Variants in QRICH1 observed in about 807,000 individuals in gnomAD.
QRICH1 encodes transcriptional regulator QRICH1.
Under a neutral mutation model 87.1 loss-of-function variants are expected in QRICH1, and 16 were observed. That is an observed-to-expected ratio of 0.18 (90% confidence interval 0.12 to 0.28). QRICH1 has a LOEUF of 0.28. QRICH1 is among the 10% of genes least tolerant of loss of function. QRICH1 has a pLI of 1.00. For synonymous variants in QRICH1, 367 were observed against 368.4 expected (o/e 1.00, Z 0.05); for missense variants, 647 against 951.7 (o/e 0.68, Z 4.21).
intron 1 of QRICH1, among the ~76,000 whole-genome samples, chr3:49,090,147 T>C (rs2107056166): frequency 6.6e-6 from 1 of 151,950 alleles, no homozygotes; most frequent in African/African-American, 2.4e-5. Context: ...ACTCCGTCTC[T>C]ACTACAAATA....
At chr3:49,059,178 G>A (rs1037591894) in intron 2 of QRICH1, among the ~76,000 whole-genome samples, 2 of 150,248 alleles carry the variant, frequency 1.3e-5, no homozygotes, top group African/African-American at 4.9e-5. Context: ...TGTTAGCCAG[G>A]ATGGTCTCCA....
intron 1 of QRICH1, among the ~76,000 whole-genome samples, chr3:49,079,539 TAAA>T (rs1204891054): frequency 2.0e-5 from 3 of 149,088 alleles, no homozygotes; most frequent in Non-Finnish European, 4.4e-5. Context: ...AATACTATAA[TAAA>T]ATAATAATAA....
At chr3:49,044,109 T>C (rs1408487102) in intron 6 of QRICH1, among the ~76,000 whole-genome samples, 1 of 152,230 alleles carries the variant, frequency 6.6e-6, no homozygotes, top group Non-Finnish European at 1.5e-5. Context: ...TTAATTGTTA[T>C]GATTCTAATT....
chr3:49,092,688 C>T (rs1009606883), intron 1 of QRICH1, among the ~76,000 whole-genome samples: 1 of 151,946 alleles, frequency 6.6e-6, no homozygotes, highest in Admixed American at 6.6e-5. Flanking sequence ...GCCTATTTCT[C>T]TAGAACAAAC....
intron 2 of QRICH1, among the ~76,000 whole-genome samples, chr3:49,070,161 C>T (rs756086615): frequency 3.3e-5 from 5 of 151,928 alleles, no homozygotes; most frequent in African/African-American, 4.8e-5. Flanking sequence ...CCTTAGCCTC[C>T]GAATAGCTGG....
chr3:49,033,039 G>C (rs2106813228), intron 7 of QRICH1, 81 bp downstream of exon 7: 1 of 1,142,772 alleles, frequency 8.8e-7, no homozygotes, highest in East Asian at 2.7e-5. Context: ...ATATATGTCA[G>C]AGGAATTCAG....
At chr3:49,076,462 G>T (rs561588029) in intron 2 of QRICH1, among the ~76,000 whole-genome samples, 1 of 151,852 alleles carries the variant, frequency 6.6e-6, no homozygotes, top group South Asian at 2.1e-4. Context: ...GGTTTCCTAG[G>T]TAGCTAAGCA....
intron 4 of QRICH1, 49 bp downstream of exon 4, chr3:49,047,020 A>G (rs1432124914): frequency 1.3e-6 from 2 of 1,574,000 alleles, no homozygotes; most frequent in Admixed American, 1.8e-5. Flanking sequence ...CTGTTACTTT[A>G]GTACCATTGC....
intron 2 of QRICH1, among the ~76,000 whole-genome samples, chr3:49,075,407 G>A (rs919271938): frequency 1.3e-5 from 2 of 151,658 alleles, no homozygotes; most frequent in Non-Finnish European, 2.9e-5. Flanking sequence ...GAGAAGGGCA[G>A]ATTACCTGAG....
At chr3:49,046,737 GTA>G (rs2093341512) in intron 4 of QRICH1, among the ~76,000 whole-genome samples, 158 bp from the exon 5 acceptor site, 2 of 152,150 alleles carry the variant, frequency 1.3e-5, no homozygotes, top group African/African-American at 4.8e-5. Context: ...TATAACATGA[GTA>G]TATGAGCCTA....
intron 6 of QRICH1, among the ~76,000 whole-genome samples, chr3:49,038,639 G>C (rs1048123712): frequency 6.6e-6 from 1 of 152,018 alleles, no homozygotes; most frequent in East Asian, 1.9e-4. Flanking sequence ...GGCTGGTCTT[G>C]AACTCCTGAC....
chr3:49,092,985 T>C (rs904036177), intron 1 of QRICH1, among the ~76,000 whole-genome samples: 3 of 152,190 alleles, frequency 2.0e-5, no homozygotes, highest in African/African-American at 7.2e-5. Flanking sequence ...TAAACTGGCA[T>C]TTTAGAGCTC....
chr3:49,057,284 C>T lies in QRICH1; in HGVS notation c.916G>A (p.Gly306Arg). ...SATGTITSPT[G>R]ETWTIPVYSA... ...TAAACAGGGATGGTCCAGGTTTCTC[C>T]TGTAGGGCTAGTAATGGTCCCAGTG... The change falls in exon 3 of 10, where the codon GGA (glycine) becomes AGA (arginine). Residue 306 changes from glycine to arginine, a missense_variant. Coordinates refer to ENST00000395443, the MANE Select transcript of QRICH1 (RefSeq NM_198880.3). The surrounding 1 kb of genome is among the most constrained non-coding windows in gnomAD (Gnocchi z 5.4). The T allele has an allele frequency of 6.2e-7, 1 of 1,614,234 alleles. No homozygotes were observed. Among genetic ancestry groups the T allele is most frequent in the Non-Finnish European group, 8.5e-7 (1 of 1,180,052 alleles).
At chr3:49,043,126 A>G (rs528790571) in intron 6 of QRICH1, among the ~76,000 whole-genome samples, 4 of 152,302 alleles carry the variant, frequency 2.6e-5, no homozygotes, top group African/African-American at 9.6e-5. Context: ...GTGTGAGGGT[A>G]TATACTTAAG....
chr3:49,092,727 C>A (rs976641128), intron 1 of QRICH1, among the ~76,000 whole-genome samples: 4 of 152,074 alleles, frequency 2.6e-5, no homozygotes, highest in African/African-American at 9.7e-5. Context: ...CAAAACACAG[C>A]GGCAGGGTCA....
At chr3:49,040,496 TTATA>T (rs778420472) in intron 6 of QRICH1, among the ~76,000 whole-genome samples, 50 of 152,328 alleles carry the variant, frequency 3.3e-4, no homozygotes, top group Non-Finnish European at 6.0e-4. Flanking sequence ...ACTTACTTAT[TTATA>T]CACTGTCTTG....
intron 3 of QRICH1, among the ~76,000 whole-genome samples, chr3:49,052,505 C>G (rs2093376799): frequency 2.0e-5 from 3 of 151,994 alleles, no homozygotes; most frequent in Non-Finnish European, 4.4e-5. Context: ...AATTCTGCCC[C>G]TTTTTTGTTT....
At chr3:49,065,966 T>TA (rs1490414778) in intron 2 of QRICH1, among the ~76,000 whole-genome samples, 1 of 152,018 alleles carries the variant, frequency 6.6e-6, no homozygotes, top group Non-Finnish European at 1.5e-5. Flanking sequence ...TACAGGCCCC[T>TA]ACGAGTCTCT....
In QRICH1 at chr3:49,057,437, T is replaced by C. The variant is rs781450400; in HGVS notation, c.763A>G (p.Thr255Ala). 2.0e-5 allele frequency: 32 copies of C among 1,613,922 alleles called. No individual in the cohort carries two copies. The Admixed American group carries it at 5.3e-4, about 27-fold the overall frequency. Residue 255 changes from threonine (T) to alanine (A), a missense_variant, in exon 3 of 10, where the codon ACT (threonine) becomes GCT (alanine). Coordinates refer to ENST00000395443, the MANE Select transcript of QRICH1 (RefSeq NM_198880.3). This position sits in a 1 kb window ranked among gnomAD's most constrained non-coding sequence, Gnocchi z 5.4. ...TGCCCTGAGATGGCGTAGGACACAG[T>C]GATGGGCATGTCCACTTTGCGCTTC... ...VKKRKVDMPI[T>A]VSYAISGQPV...
Sources: allele counts gnomAD v4.1 joint callset (sites outside exome capture counted in the v4.1 genomes callset), GRCh38; gene constraint gnomAD v4.1.1; non-coding constraint Gnocchi (gnomAD v3.1); transcripts MANE v1.5; gene names NCBI Gene and HGNC (gene_info 2026-07-23, HGNC 2026-07-21).